The following APC variants were observed in gnomAD, a reference collection of about 807,000 sequenced individuals.
APC encodes APC regulator of Wnt signaling pathway.
Under a neutral mutation model 247.0 loss-of-function variants are expected in APC, and 72 were observed. That is an observed-to-expected ratio of 0.29 (90% CI 0.24 to 0.35). APC has a LOEUF of 0.35. APC is among the 10% of genes least tolerant of loss of function. APC has a pLI of 1.00. For synonymous variants in APC, 1,254 were observed against 1,162.5 expected (o/e 1.08, Z -1.60); for missense variants, 3,400 against 3,360.7 (o/e 1.01, Z -0.29).
At chr5:112,730,705 AC>A (rs369911247) in intron 1 of APC, among the ~76,000 whole-genome samples, 3 of 152,268 alleles carry the variant, frequency 2.0e-5, no homozygotes, top group Non-Finnish European at 4.4e-5. Context: ...GGACCCTCCC[AC>A]CCAGCTGCCC....
chr5:112,776,590 C>T (rs1444731453), intron 5 of APC, among the ~76,000 whole-genome samples: 1 of 152,156 alleles, frequency 6.6e-6, no homozygotes, highest in Admixed American at 6.5e-5. Flanking sequence ...GTAACCCCAG[C>T]ACTTTGGGAG....
chr5:112,774,429 A>G (rs1757377300), intron 4 of APC, among the ~76,000 whole-genome samples: 2 of 150,564 alleles, frequency 1.3e-5, no homozygotes, highest in African/African-American at 4.9e-5. Flanking sequence ...AATAAGGGAT[A>G]CTCAACCTGT....
intron 6 of APC, among the ~76,000 whole-genome samples, chr5:112,789,460 C>A (rs1372677506): frequency 6.6e-6 from 1 of 152,158 alleles, no homozygotes; most frequent in East Asian, 1.9e-4. Context: ...CAGAAACCAT[C>A]CACCTCACTG....
At chr5:112,731,936 AT>A (rs530104311) in intron 1 of APC, among the ~76,000 whole-genome samples, 3 of 152,006 alleles carry the variant, frequency 2.0e-5, no homozygotes, top group Admixed American at 1.3e-4. Flanking sequence ...TAAGTTTTGT[AT>A]TTTTAGTAGA....
chr5:112,733,175 T>G (rs941639085), upstream of APC, among the ~76,000 whole-genome samples: 1 of 152,164 alleles, frequency 6.6e-6, no homozygotes, highest in African/African-American at 2.4e-5. Context: ...ATAGTTAATT[T>G]TATTATTAGG....
At chr5:112,761,628 C>A (rs1326311357) in intron 2 of APC, among the ~76,000 whole-genome samples, 1 of 151,926 alleles carries the variant, frequency 6.6e-6, no homozygotes, top group African/African-American at 2.4e-5. Flanking sequence ...ACAAAAAAGA[C>A]AAAACAATGG....
chr5:112,797,951 A>G (rs763269145), intron 7 of APC, among the ~76,000 whole-genome samples: 9 of 152,174 alleles, frequency 5.9e-5, no homozygotes, highest in Non-Finnish European at 8.8e-5. Context: ...AGATGTGGAG[A>G]AGCAGGATCC....
chr5:112,837,435 T>C, intron 15 of APC, 118 bp from the exon 16 acceptor site: 2 of 722,536 alleles, frequency 2.8e-6, no homozygotes, highest in Non-Finnish European at 4.7e-6. Context: ...GTGGAATACT[T>C]GGAATTTATA....
rs1060503367 is a variant in APC at position 112,838,477 on chromosome 5, T to G, written c.2883T>G (p.Asn961Lys). The change falls in exon 16 of 16, where the codon AAT (asparagine) becomes AAG (lysine). Residue 961 changes from asparagine (N) to lysine (K), a missense_variant. Around this residue, in one of 9 missense-constraint regions of APC, gnomAD observed 715 missense variants for 656.6 expected, o/e 1.09. Coordinates refer to ENST00000257430, the MANE Select transcript of APC (RefSeq NM_000038.6). Reference protein sequence around the residue: ...YAKLEYKRSSNDSLNSVSSSD... With the variant: ...YAKLEYKRSSKDSLNSVSSSD... ...AATTAGAATACAAGAGATCTTCAAA[T>G]GATAGTTTAAATAGTGTCAGTAGTA... is the stretch of plus-strand genomic sequence containing the variant. 7 of 1,614,210 alleles carry G rather than the reference T, an allele frequency of 4.3e-6. No homozygotes were observed. Among genetic ancestry groups the G allele is most frequent in the Non-Finnish European group, 5.1e-6 (6 of 1,180,048 alleles).
At chr5:112,711,330 C>T (rs1483788524) in intron 1 of APC, among the ~76,000 whole-genome samples, 1 of 152,180 alleles carries the variant, frequency 6.6e-6, no homozygotes, top group African/African-American at 2.4e-5. Flanking sequence ...CTGAAACCAT[C>T]CCCCACCCAA....
chr5:112,751,428 G>A (rs1438818232), intron 1 of APC, among the ~76,000 whole-genome samples: 1 of 151,978 alleles, frequency 6.6e-6, no homozygotes, highest in East Asian at 1.9e-4. Context: ...AGTTAGCTTA[G>A]GGAGAAATGG....
chr5:112,727,881 A>T (rs531033041), intron 1 of APC, among the ~76,000 whole-genome samples: 2 of 152,074 alleles, frequency 1.3e-5, no homozygotes, highest in South Asian at 2.1e-4. Flanking sequence ...TCAAAGTATT[A>T]AAAAAAATTG....
intron 7 of APC, among the ~76,000 whole-genome samples, chr5:112,795,277 C>T (rs934831161): frequency 3.9e-5 from 6 of 152,158 alleles, no homozygotes; most frequent in East Asian, 1.9e-4. Flanking sequence ...CTGCCCGCCT[C>T]GGCCTCCCAA....
intron 1 of APC, among the ~76,000 whole-genome samples, chr5:112,743,942 A>T (rs1203761732): frequency 2.6e-5 from 4 of 152,104 alleles, no homozygotes; most frequent in African/African-American, 7.2e-5. Flanking sequence ...GGGCTCAAGC[A>T]GTCCTCCCAA....
At position 112,837,646 on chromosome 5, in the gene APC, G is replaced by A. The variant is rs1765097772; in HGVS notation, c.2052G>A (p.Leu684=). The A allele has an allele frequency of 6.2e-7, 1 of 1,613,690 alleles. No individual in the cohort carries two copies. The highest frequency in any genetic ancestry group is 2.2e-5 in the East Asian group (1 of 44,862). The change falls in exon 16 of 16, where the codon TTG becomes TTA. Residue 684 remains leucine, a synonymous_variant. Transcript: ENST00000257430. ...TAGTCAGTAATGCATGTGGAACTTT[G>A]TGGAATCTCTCAGCAAGAAATCCTA... ...LTIVSNACGT[L]WNLSARNPKD... is the part of the protein sequence containing the mutation.
intron 4 of APC, among the ~76,000 whole-genome samples, chr5:112,771,166 G>A (rs187075808): frequency 6.6e-6 from 1 of 152,174 alleles, no homozygotes; most frequent in East Asian, 1.9e-4. Flanking sequence ...TCTTTGTGCT[G>A]TTTAAAGGAA....
chr5:112,771,586 A>G (rs1201145509), intron 4 of APC, among the ~76,000 whole-genome samples: 4 of 152,288 alleles, frequency 2.6e-5, no homozygotes, highest in East Asian at 1.9e-4. Flanking sequence ...CAAGGTACCA[A>G]TGAGAAATTT....
intron 1 of APC, among the ~76,000 whole-genome samples, chr5:112,711,431 T>C (rs1268539706): frequency 1.3e-5 from 2 of 152,250 alleles, no homozygotes; most frequent in African/African-American, 2.4e-5. Flanking sequence ...TTGTGAAATA[T>C]ACTGTCTTCT....
Position 112,831,258 on chromosome 5 carries a change from G to A in APC, c.1743+2286G>A, listed in dbSNP as rs142548141. On this transcript the variant is annotated intron_variant, in intron 14 of 15. Coordinates refer to ENST00000257430, the MANE Select transcript of APC (RefSeq NM_000038.6). ...CAAGTAGCTGGGATTATAGGCATGC[G>A]CCACCATGCCCAGCTAGTTTTTGTA... is the stretch of plus-strand genomic sequence containing the variant. Among the ~76,000 whole-genome samples the A allele has an allele frequency of 7.5e-3, 1,147 of 152,146 alleles. 13 individuals carry two copies. The highest frequency in any genetic ancestry group is 0.026 in the African/African-American group (1,071 of 41,516).
Sources: allele counts gnomAD v4.1 joint callset (sites outside exome capture counted in the v4.1 genomes callset), GRCh38; gene constraint gnomAD v4.1.1; regional missense constraint gnomAD v4.1.1; transcripts MANE v1.5; gene names NCBI Gene and HGNC (gene_info 2026-07-23, HGNC 2026-07-21).